Variants in TBC1D5 observed in about 807,000 individuals in gnomAD.
The protein encoded by TBC1D5 is TBC1 domain family member 5, also known as TBC1 domain family, member 5.
Under a neutral mutation model 100.3 loss-of-function variants are expected in TBC1D5, and 75 were observed. The observed-to-expected ratio is 0.75, with a 90% CI of 0.62 to 0.91. TBC1D5 has a LOEUF of 0.91. TBC1D5 is among the 40% of genes least tolerant of loss of function. The pLI is 0.00. For missense variants in TBC1D5, 910 were observed against 942.4 expected (o/e 0.97, Z 0.45); for synonymous variants, 323 against 325.6 (o/e 0.99, Z 0.09).
At chr3:17,457,085 AG>A (rs1235630787) in intron 3 of TBC1D5, among the ~76,000 whole-genome samples, 2 of 152,086 alleles carry the variant, frequency 1.3e-5, no homozygotes, top group Admixed American at 1.3e-4. Flanking sequence ...AACAATATAT[AG>A]TATTTTTTTC....
intron 19 of TBC1D5, among the ~76,000 whole-genome samples, chr3:17,168,699 T>A (rs1386688924): frequency 1.3e-5 from 2 of 151,832 alleles, no homozygotes; most frequent in African/African-American, 4.8e-5. Flanking sequence ...AAACACATTT[T>A]AAAAAACATG....
chr3:17,245,142 G>A (rs2076632734), intron 16 of TBC1D5, among the ~76,000 whole-genome samples: 1 of 151,860 alleles, frequency 6.6e-6, no homozygotes, highest in Admixed American at 6.6e-5. Flanking sequence ...GCAGTGAGCT[G>A]TGATCACACC....
At chr3:17,363,856 A>G (rs2091917790) in intron 13 of TBC1D5, among the ~76,000 whole-genome samples, 1 of 152,036 alleles carries the variant, frequency 6.6e-6, no homozygotes, top group African/African-American at 2.4e-5. Flanking sequence ...ATATATAAAA[A>G]ATAAAAATTA....
At chr3:17,606,973 T>C (rs954070261) in intron 2 of TBC1D5, among the ~76,000 whole-genome samples, 1 of 152,316 alleles carries the variant, frequency 6.6e-6, no homozygotes, top group Non-Finnish European at 1.5e-5. Flanking sequence ...CAATAATTAG[T>C]TCGATTTTAC....
At chr3:17,456,783 T>G (rs181829442) in intron 3 of TBC1D5, among the ~76,000 whole-genome samples, 1 of 152,136 alleles carries the variant, frequency 6.6e-6, no homozygotes. Context: ...AAATGTGGTA[T>G]AACAATAAAA....
intron 17 of TBC1D5, among the ~76,000 whole-genome samples, chr3:17,220,044 T>C (rs2074104045): frequency 6.6e-6 from 1 of 152,168 alleles, no homozygotes; most frequent in Non-Finnish European, 1.5e-5. Context: ...AAAATTTCTG[T>C]TAACACTCTT....
At chr3:17,585,442 A>G (rs1253660985) in intron 2 of TBC1D5, among the ~76,000 whole-genome samples, 1 of 152,208 alleles carries the variant, frequency 6.6e-6, no homozygotes, top group Admixed American at 6.5e-5. Flanking sequence ...CTCCTTTAAA[A>G]TTCTGAGATC....
intron 1 of TBC1D5, among the ~76,000 whole-genome samples, chr3:17,738,345 G>A (rs143293916): frequency 8.2e-4 from 125 of 152,006 alleles, no homozygotes; most frequent in African/African-American, 2.9e-3. Flanking sequence ...TATCACTTAC[G>A]TGATAGCATT....
intron 3 of TBC1D5, among the ~76,000 whole-genome samples, chr3:17,436,802 T>C (rs183131715): frequency 1.7e-4 from 26 of 152,292 alleles, no homozygotes; most frequent in African/African-American, 4.3e-4. Context: ...TGATAGTACA[T>C]AGTATTACAC....
intron 2 of TBC1D5, among the ~76,000 whole-genome samples, chr3:17,558,861 G>A (rs1332061857): frequency 6.6e-6 from 1 of 152,002 alleles, no homozygotes; most frequent in Non-Finnish European, 1.5e-5. Flanking sequence ...TTTTTAAACT[G>A]CTTAAAAACA....
At chr3:17,195,738 GC>G (rs1243224336) in intron 18 of TBC1D5, among the ~76,000 whole-genome samples, 1 of 140,836 alleles carries the variant, frequency 7.1e-6, no homozygotes, top group Admixed American at 7.5e-5. Flanking sequence ...TTTTGGAACA[GC>G]CTTGATATTT....
At chr3:17,352,514 G>C (rs2090725329) in intron 13 of TBC1D5, among the ~76,000 whole-genome samples, 1 of 151,610 alleles carries the variant, frequency 6.6e-6, no homozygotes, top group African/African-American at 2.4e-5. Context: ...CTTTTATAGA[G>C]TTGACTGTAG....
At chr3:17,438,851 A>G (rs79963120) in intron 3 of TBC1D5, among the ~76,000 whole-genome samples, 13,853 of 152,114 alleles carry the variant, frequency 0.091, 1,426 homozygotes, top group African/African-American at 0.26. Flanking sequence ...ACAAAAAATC[A>G]TTGTATTTTC....
intron 3 of TBC1D5, among the ~76,000 whole-genome samples, chr3:17,435,540 G>A (rs1373823590): frequency 6.6e-6 from 1 of 152,152 alleles, no homozygotes; most frequent in Non-Finnish European, 1.5e-5. Context: ...CAGATTTTGT[G>A]AGAACTCACA....
rs562626048 is a variant in TBC1D5, at chr3:17,467,311, T to C, written c.98-38792A>G. 2.7e-5 allele frequency among the ~76,000 whole-genome samples: 4 copies of C among 149,456 alleles called. No homozygotes were observed. The East Asian group carries it at 7.8e-4, about 29-fold the overall frequency. ...CTTTTTTTTTTTTTTTTTTGATCTTTTTTTTATTATTTTTACTATTATACT... is the reference window on the plus strand; with the variant it reads ...CTTTTTTTTTTTTTTTTTTGATCTTCTTTTTATTATTTTTACTATTATACT... On this transcript the variant is annotated intron_variant, in intron 3 of 21. Transcript: ENST00000253692.
At chr3:17,577,381 C>A (rs1311957208) in intron 2 of TBC1D5, among the ~76,000 whole-genome samples, 1 of 151,972 alleles carries the variant, frequency 6.6e-6, no homozygotes, top group Non-Finnish European at 1.5e-5. Flanking sequence ...TAATTAAAAA[C>A]TAACTTTTAA....
intron 19 of TBC1D5, among the ~76,000 whole-genome samples, chr3:17,183,063 G>C (rs1348306850): frequency 6.6e-6 from 1 of 152,008 alleles, no homozygotes; most frequent in African/African-American, 2.4e-5. Context: ...ATTTCTCTGA[G>C]ACAACAGTCA....
chr3:17,706,391 T>C (rs1407727049), intron 1 of TBC1D5, among the ~76,000 whole-genome samples: 1 of 151,680 alleles, frequency 6.6e-6, no homozygotes, highest in Non-Finnish European at 1.5e-5. Flanking sequence ...CTAGGTTTAA[T>C]CAGTGATTGT....
intron 17 of TBC1D5, among the ~76,000 whole-genome samples, chr3:17,215,012 G>C (rs990448879): frequency 6.6e-6 from 1 of 152,032 alleles, no homozygotes; most frequent in Non-Finnish European, 1.5e-5. Flanking sequence ...AGGAGGAGAA[G>C]GGTGAGAGAT....
Sources: gnomAD v4.1 joint callset for allele counts (sites outside exome capture counted in the v4.1 genomes callset) on GRCh38, gnomAD v4.1.1 for gene constraint, MANE v1.5 for transcripts, NCBI Gene and HGNC (gene_info 2026-07-23, HGNC 2026-07-21) for gene names.